The following RPGRIP1 variants were observed in gnomAD, a reference collection of about 807,000 sequenced individuals.
RPGRIP1 encodes RPGR interacting protein 1.
A neutral mutation model predicts 157.9 loss-of-function variants in RPGRIP1; 128 were observed. The ratio of observed to expected loss-of-function variants is 0.81; its 90% CI spans 0.70 to 0.94. The LOEUF (loss-of-function observed/expected upper bound fraction) is 0.94, where lower values mean the gene tolerates loss of function less well. RPGRIP1 is among the 40% of genes least tolerant of loss of function. The probability of loss-of-function intolerance (pLI) is 0.00; values close to 1 mark genes in which losing one functional copy is unlikely to be tolerated. For missense variants in RPGRIP1, 1,486 were observed against 1,545.8 expected (o/e 0.96, Z 0.65); for synonymous variants, 554 against 571.6 (o/e 0.97, Z 0.44).
intron 14 of RPGRIP1, 48 bp from the exon 15 acceptor site, chr14:21,324,570 A>C: frequency 6.7e-7 from 1 of 1,503,010 alleles, no homozygotes; most frequent in Non-Finnish European, 9.2e-7. Flanking sequence ...TACCCTAAGA[A>C]AGAGCTCCCT....
At chr14:21,305,932 A>G (rs575643875) in intron 6 of RPGRIP1, among the ~76,000 whole-genome samples, 1 of 151,968 alleles carries the variant, frequency 6.6e-6, no homozygotes, top group African/African-American at 2.4e-5. Context: ...ATTCCCTTTC[A>G]ATTATTTGGG....
chr14:21,322,039 A>T, intron 14 of RPGRIP1, 35 bp downstream of exon 14: 2 of 1,551,568 alleles, frequency 1.3e-6, no homozygotes, highest in South Asian at 1.2e-5. Flanking sequence ...TCACTTCGGG[A>T]CCCTTCCACA....
At chr14:21,319,278 A>C (rs1882136070) in intron 11 of RPGRIP1, among the ~76,000 whole-genome samples, 1 of 152,054 alleles carries the variant, frequency 6.6e-6, no homozygotes, top group South Asian at 2.1e-4. Context: ...AAACACACAC[A>C]CAGCCTGGTG....
intron 1 of RPGRIP1, among the ~76,000 whole-genome samples, chr14:21,282,365 T>C (rs1259489055): frequency 6.6e-6 from 1 of 151,266 alleles, no homozygotes; most frequent in East Asian, 2.0e-4. Context: ...GCCTCCTGAG[T>C]ACCTGGGACT....
At chr14:21,315,800 A>ATTT (rs1296019158) in intron 10 of RPGRIP1, among the ~76,000 whole-genome samples, 1,561 of 143,762 alleles carry the variant, frequency 0.011, 29 homozygotes, top group African/African-American at 0.039. Flanking sequence ...TATTATTATT[A>ATTT]TTATTATTTT....
At chr14:21,325,092 C>T (rs372937955) in intron 15 of RPGRIP1, 22 bp downstream of exon 15, 283 of 1,584,288 alleles carry the variant, frequency 1.8e-4, no homozygotes, top group Middle Eastern at 3.4e-4. Context: ...TGGCTTCCTG[C>T]GGCTCCTAAG....
Position 21,321,248 on chromosome 14 carries a change from T to C in RPGRIP1, c.1468-11T>C. 1 of 1,608,878 alleles carries C rather than the reference T, an allele frequency of 6.2e-7. No individual in the cohort carries two copies. The highest frequency in any genetic ancestry group is 8.5e-7 in the Non-Finnish European group (1 of 1,178,508). On this transcript the variant is annotated splice_polypyrimidine_tract_variant and intron_variant, in intron 12 of 24. Transcript: ENST00000400017. ...TTATACTCCCTTTTACCAATGCGTTTCCCTCTACAGCCAAGTGAACCCAAA... is the reference window on the plus strand; with the variant it reads ...TTATACTCCCTTTTACCAATGCGTTCCCCTCTACAGCCAAGTGAACCCAAA...
At chr14:21,332,595 C>T (rs1883899270) in intron 20 of RPGRIP1, among the ~76,000 whole-genome samples, 1 of 152,222 alleles carries the variant, frequency 6.6e-6, no homozygotes, top group African/African-American at 2.4e-5. Flanking sequence ...TATCTCCATA[C>T]TCCCAATTTA....
chr14:21,284,691 C>A (rs775177147), intron 1 of RPGRIP1, among the ~76,000 whole-genome samples: 2 of 151,760 alleles, frequency 1.3e-5, no homozygotes, highest in Non-Finnish European at 2.9e-5. Flanking sequence ...ATCACTCTGT[C>A]GTGGCACATG....
intron 2 of RPGRIP1, 94 bp from the exon 3 acceptor site, chr14:21,294,583 T>C (rs1880681775): frequency 6.3e-6 from 8 of 1,272,376 alleles, no homozygotes; most frequent in Non-Finnish European, 7.8e-6. Context: ...TCAAGATAGA[T>C]TTATGCTCTC....
chr14:21,313,661 A>G (rs1367676936), intron 10 of RPGRIP1, among the ~76,000 whole-genome samples: 1 of 151,932 alleles, frequency 6.6e-6, no homozygotes, highest in Non-Finnish European at 1.5e-5. Context: ...AGTAGCGCGC[A>G]CTTGTAATCC....
intron 1 of RPGRIP1, among the ~76,000 whole-genome samples, chr14:21,284,590 G>GCTC (rs995698154): frequency 6.9e-6 from 1 of 145,360 alleles, no homozygotes; most frequent in African/African-American, 2.5e-5. Flanking sequence ...TGTCACCCAG[G>GCTC]CTGGAGTACA....
intron 3 of RPGRIP1, 51 bp from the exon 4 acceptor site, chr14:21,300,915 G>A (rs59633435): frequency 6.3e-7 from 1 of 1,587,612 alleles, no homozygotes; most frequent in East Asian, 2.2e-5. Flanking sequence ...ATAACCCGTA[G>A]AAATAATAAC....
intron 12 of RPGRIP1, 92 bp downstream of exon 12, chr14:21,320,269 A>T: frequency 8.3e-7 from 1 of 1,199,476 alleles, no homozygotes; most frequent in South Asian, 1.4e-5. Flanking sequence ...AAACTAACTA[A>T]ATAATATTTT....
chr14:21,292,735 G>C (rs1419787865), intron 2 of RPGRIP1, among the ~76,000 whole-genome samples: 3 of 151,958 alleles, frequency 2.0e-5, no homozygotes, highest in African/African-American at 7.3e-5. Context: ...CCAGCCATTC[G>C]AGAGGCTGAG....
At chr14:21,326,554 G>C (rs928173854) in intron 17 of RPGRIP1, among the ~76,000 whole-genome samples, 4 of 152,050 alleles carry the variant, frequency 2.6e-5, no homozygotes, top group Non-Finnish European at 4.4e-5. Context: ...ATTTTTAGTA[G>C]AGATGGGATT....
chr14:21,315,824 A>G, intron 10 of RPGRIP1, among the ~76,000 whole-genome samples: 1 of 150,526 alleles, frequency 6.6e-6, no homozygotes, highest in African/African-American at 2.5e-5. Flanking sequence ...TTTGAGGCAG[A>G]GTCTCACTCT....
intron 21 of RPGRIP1, among the ~76,000 whole-genome samples, chr14:21,335,862 T>C (rs1379930852): frequency 6.6e-6 from 1 of 152,234 alleles, no homozygotes; most frequent in Non-Finnish European, 1.5e-5. Flanking sequence ...TCAGTAATCA[T>C]TGTGTTCTAA....
intron 7 of RPGRIP1, among the ~76,000 whole-genome samples, chr14:21,308,122 A>C (rs1481833150): frequency 1.2e-4 from 19 of 152,220 alleles, no homozygotes; most frequent in Non-Finnish European, 1.5e-5. Flanking sequence ...GTCCCCTACG[A>C]AGACCACAAC....
Sources: gnomAD v4.1 joint callset for allele counts (sites outside exome capture counted in the v4.1 genomes callset) on GRCh38, gnomAD v4.1.1 for gene constraint, MANE v1.5 for transcripts, NCBI Gene and HGNC (gene_info 2026-07-23, HGNC 2026-07-21) for gene names.